Variants in THSD7A observed in about 807,000 individuals in gnomAD.
THSD7A encodes the protein thrombospondin type-1 domain-containing protein 7A.
A neutral mutation model predicts 231.3 loss-of-function variants in THSD7A; 96 were observed. That is an observed-to-expected ratio of 0.41 (90% confidence interval 0.35 to 0.49). The LOEUF (loss-of-function observed/expected upper bound fraction) is 0.49, where lower values mean the gene tolerates loss of function less well. THSD7A is among the 20% of genes least tolerant of loss of function. THSD7A has a pLI of 0.05. For synonymous variants in THSD7A, 940 were observed against 743.3 expected (o/e 1.26, Z -4.30); for missense variants, 2,290 against 2,070.2 (o/e 1.11, Z -2.06).
chr7:11,586,576 A>T (rs948974834), intron 4 of THSD7A, among the ~76,000 whole-genome samples: 1 of 152,220 alleles, frequency 6.6e-6, no homozygotes, highest in Non-Finnish European at 1.5e-5. Context: ...TACTTTCTAA[A>T]ATAACAGGAA....
chr7:11,792,704 G>GA (rs1237278061), intron 1 of THSD7A, among the ~76,000 whole-genome samples: 3 of 151,840 alleles, frequency 2.0e-5, no homozygotes, highest in African/African-American at 7.2e-5. Flanking sequence ...CAAAGCAAAC[G>GA]AAACAAATAA....
intron 1 of THSD7A, among the ~76,000 whole-genome samples, chr7:11,730,289 G>A (rs545419263): frequency 2.0e-5 from 3 of 151,344 alleles, no homozygotes; most frequent in East Asian, 1.9e-4. Flanking sequence ...TAACAAAATC[G>A]AGTAATATTC....
At chr7:11,394,880 C>G (rs1406104505) in intron 23 of THSD7A, among the ~76,000 whole-genome samples, 1 of 152,182 alleles carries the variant, frequency 6.6e-6, no homozygotes, top group Non-Finnish European at 1.5e-5. Flanking sequence ...ATTGTAAAGA[C>G]TATCGACACT....
chr7:11,621,002 G>A (rs1447518858), intron 2 of THSD7A, among the ~76,000 whole-genome samples: 2 of 152,082 alleles, frequency 1.3e-5, no homozygotes, highest in East Asian at 1.9e-4. Flanking sequence ...TGAAATGGGA[G>A]GTAAAATGAA....
chr7:11,385,582 TTAA>T (rs148782854), intron 23 of THSD7A: 2,622 of 151,790 alleles, frequency 0.017, 81 homozygotes, highest in African/African-American at 0.06. Flanking sequence ...AGAGATTTTA[TTAA>T]TATTTGGTTA....
chr7:11,828,528 G>A (rs1785095477), intron 1 of THSD7A, among the ~76,000 whole-genome samples: 1 of 152,072 alleles, frequency 6.6e-6, no homozygotes, highest in Admixed American at 6.6e-5. Context: ...TGTTGTAATT[G>A]TGTACTTATA....
At chr7:11,612,287 G>C (rs991918908) in intron 2 of THSD7A, among the ~76,000 whole-genome samples, 1 of 152,154 alleles carries the variant, frequency 6.6e-6, no homozygotes, top group Admixed American at 6.5e-5. Context: ...CACCACCAAA[G>C]TAATCATCCC....
chr7:11,619,572 C>G (rs1450591590), intron 2 of THSD7A, among the ~76,000 whole-genome samples: 3 of 151,802 alleles, frequency 2.0e-5, no homozygotes, highest in Non-Finnish European at 4.4e-5. Flanking sequence ...CTATGCCCAA[C>G]TAATTTTTTA....
intron 4 of THSD7A, among the ~76,000 whole-genome samples, chr7:11,547,310 T>C (rs1236564588): frequency 3.9e-5 from 6 of 152,146 alleles, no homozygotes; most frequent in Non-Finnish European, 4.4e-5. Flanking sequence ...AATATTAACC[T>C]TGAATATAAA....
rs374974409 is a variant in THSD7A, at chr7:11,630,133, G to C, written c.1022+5997C>G. ...TATAAAGCAAATGCTTTATATTCAA[G>C]TTTGATATCACCATTCTGGAAAGCA... On this transcript the variant is annotated intron_variant, in intron 2 of 27. Coordinates refer to ENST00000423059, the MANE Select transcript of THSD7A (RefSeq NM_015204.3). Among the ~76,000 whole-genome samples, 504 of 152,238 alleles carry C rather than the reference G, an allele frequency of 3.3e-3. 5 individuals are homozygous for C. The highest frequency in any genetic ancestry group is 0.011 in the African/African-American group (459 of 41,538).
Position 11,389,422 on chromosome 7 carries a change from T to C in THSD7A, c.4412-6806A>G, listed in dbSNP as rs910047233. On this transcript the variant is annotated intron_variant, in intron 23 of 27. Transcript: ENST00000423059. The stretch of plus-strand genomic sequence containing the variant: ...CAGAGACTAGAATTGCAACTCCTGC[T>C]TTTTTTTTTTTTTTTTTTTTTTTTT... 6.8e-3 allele frequency among the ~76,000 whole-genome samples: 178 copies of C among 26,352 alleles called. 1 individual carries two copies. The highest frequency in any genetic ancestry group is 0.057 in the African/African-American group (174 of 3,046). The allele number at this position is 26,352 out of a possible 152,430, so 17.3% of individuals were successfully genotyped here.
intron 13 of THSD7A, among the ~76,000 whole-genome samples, chr7:11,433,371 C>T (rs1354272030): frequency 6.6e-6 from 1 of 151,722 alleles, no homozygotes; most frequent in Admixed American, 6.6e-5. Context: ...ATTTTAGGGC[C>T]AGTAATCACT....
intron 4 of THSD7A, among the ~76,000 whole-genome samples, chr7:11,571,500 T>G (rs1461530798): frequency 6.6e-6 from 1 of 152,218 alleles, no homozygotes; most frequent in African/African-American, 2.4e-5. Flanking sequence ...GTATATGGAC[T>G]ATTTTAAATT....
chr7:11,514,017 C>T (rs1305080714), intron 6 of THSD7A, among the ~76,000 whole-genome samples: 4 of 151,922 alleles, frequency 2.6e-5, no homozygotes, highest in Non-Finnish European at 5.9e-5. Flanking sequence ...AAACATGCTA[C>T]GTGTGCACCA....
intron 1 of THSD7A, among the ~76,000 whole-genome samples, chr7:11,650,400 T>C (rs1163678168): frequency 6.6e-6 from 1 of 152,064 alleles, no homozygotes; most frequent in East Asian, 1.9e-4. Context: ...CCATCTACAA[T>C]GCATCCCAAG....
chr7:11,734,478 T>C (rs893861549), intron 1 of THSD7A, among the ~76,000 whole-genome samples: 2 of 151,976 alleles, frequency 1.3e-5, no homozygotes, highest in African/African-American at 4.8e-5. Flanking sequence ...TCAATCTTTT[T>C]CCATATCACT....
rs552332075 is a variant in THSD7A, at chr7:11,746,267, T to C, written c.190+85490A>G. Among the ~76,000 whole-genome samples the C allele has an allele frequency of 2.7e-4, 41 of 152,044 alleles. No homozygotes were observed. The South Asian group carries it at 8.1e-3, about 30-fold the overall frequency. On this transcript the variant is annotated intron_variant, in intron 1 of 27. Coordinates refer to ENST00000423059, the MANE Select transcript of THSD7A (RefSeq NM_015204.3). ...GAGTTCCCATATAGCCCTCACACCG[T>C]TTTTCCTAAAGTTAACATTTTAGCA...
chr7:11,822,779 C>T (rs1373967257), intron 1 of THSD7A, among the ~76,000 whole-genome samples: 1 of 151,872 alleles, frequency 6.6e-6, no homozygotes, highest in South Asian at 2.1e-4. Context: ...TTTTTAAAAA[C>T]TGAGTTATTC....
At chr7:11,704,379 T>A (rs965632614) in intron 1 of THSD7A, among the ~76,000 whole-genome samples, 3 of 151,032 alleles carry the variant, frequency 2.0e-5, no homozygotes, top group African/African-American at 2.4e-5. Flanking sequence ...GGAATTATAA[T>A]GTTTTCTTCC....
Sources: gnomAD v4.1 joint callset for allele counts (sites outside exome capture counted in the v4.1 genomes callset) on GRCh38, gnomAD v4.1.1 for gene constraint, MANE v1.5 for transcripts, NCBI Gene and HGNC (gene_info 2026-07-23, HGNC 2026-07-21) for gene names.